The following PGAP1 variants were observed in gnomAD, a reference collection of about 807,000 sequenced individuals.
The protein encoded by PGAP1 is GPI inositol-deacylase.
Under a neutral mutation model 127.0 loss-of-function variants are expected in PGAP1, and 76 were observed. The ratio of observed to expected loss-of-function variants is 0.60; its 90% CI spans 0.50 to 0.72. The LOEUF is 0.72. PGAP1 is among the 30% of genes least tolerant of loss of function. The pLI is 0.00. For missense variants in PGAP1, 982 were observed against 1,071.3 expected (o/e 0.92, Z 1.16); for synonymous variants, 362 against 366.5 (o/e 0.99, Z 0.14).
At chr2:196,856,616 C>T (rs1279422580) in intron 20 of PGAP1, among the ~76,000 whole-genome samples, 2 of 152,170 alleles carry the variant, frequency 1.3e-5, no homozygotes, top group African/African-American at 2.4e-5. Context: ...GTATGGGCCA[C>T]ATAAAAAGTT....
intron 1 of PGAP1, among the ~76,000 whole-genome samples, chr2:196,924,527 A>ATATAT: frequency 6.6e-6 from 1 of 152,302 alleles, no homozygotes; most frequent in Non-Finnish European, 1.5e-5. Context: ...TGCAAAACAA[A>ATATAT]AAGACTTAAG....
intron 7 of PGAP1, among the ~76,000 whole-genome samples, chr2:196,896,124 TAA>T (rs1553603638): frequency 6.6e-6 from 1 of 152,124 alleles, no homozygotes; most frequent in Non-Finnish European, 1.5e-5. Flanking sequence ...AAGAAAGAGA[TAA>T]AAGAGTAATG....
rs139786524 is a variant in PGAP1 at position 196,854,199 on chromosome 2, G to T, written c.1862-6162C>A. ...GGCATGAGCCACCACACACCCGGCC[G>T]AAAATTCTAAACTAAGTCTTTTTTA... On this transcript the variant is annotated intron_variant, in intron 20 of 26. Coordinates refer to ENST00000354764, the MANE Select transcript of PGAP1 (RefSeq NM_024989.4). 4.1e-3 allele frequency among the ~76,000 whole-genome samples: 616 copies of T among 151,774 alleles called. 4 individuals carry two copies. Among genetic ancestry groups the T allele is most frequent in the African/African-American group, 0.014 (572 of 41,402 alleles).
At chr2:196,875,353 CTT>C (rs1701531026) in intron 14 of PGAP1, among the ~76,000 whole-genome samples, 1 of 152,120 alleles carries the variant, frequency 6.6e-6, no homozygotes, top group African/African-American at 2.4e-5. Flanking sequence ...TACAGGAACT[CTT>C]TTGTAACTTT....
intron 20 of PGAP1, among the ~76,000 whole-genome samples, chr2:196,858,455 A>T (rs1306862477): frequency 1.3e-5 from 2 of 152,204 alleles, no homozygotes; most frequent in African/African-American, 2.4e-5. Context: ...GAATATTTTT[A>T]AAAATTAAAA....
chr2:196,897,139 T>C lies in PGAP1; in HGVS notation c.919A>G (p.Thr307Ala), dbSNP rs893063161. 3 of 1,556,410 alleles carry C rather than the reference T, an allele frequency of 1.9e-6. No individual in the cohort carries two copies. Among genetic ancestry groups the C allele is most frequent in the Non-Finnish European group, 2.6e-6 (3 of 1,138,790 alleles). The change falls in exon 7 of 27, where the codon ACT (threonine) becomes GCT (alanine). Residue 307 changes from threonine (T) to alanine (A), a missense_variant. Physicochemically the swap from Thr to Ala is moderately conservative, Grantham distance 58 (BLOSUM62 0). Coordinates refer to ENST00000354764, the MANE Select transcript of PGAP1 (RefSeq NM_024989.4). ...AGTTTAAAAATACATACTTGTTTAG[T>C]ATCAGCATCAATAAGATCAAAGAAT... ...RAFFDLIDAD[T>A]KQITQNSKKK...
chr2:196,841,011 A>C lies in PGAP1; in HGVS notation c.*223T>G, dbSNP rs1047748423. The C allele has an allele frequency of 1.5e-5, 7 of 476,838 alleles. No homozygotes were observed. Among genetic ancestry groups the C allele is most frequent in the African/African-American group, 9.8e-5 (5 of 51,072 alleles). The allele number at this position is 476,838 out of a possible 1,614,324, so 29.5% of individuals were successfully genotyped here. ...GTGATCACCATATATCCCTTCATGA[A>C]TTTTTCAAAAATGATTACTACATGG... On this transcript the variant is annotated 3_prime_UTR_variant, in exon 27 of 27. Coordinates refer to ENST00000354764, the MANE Select transcript of PGAP1 (RefSeq NM_024989.4).
Position 196,836,322 on chromosome 2 carries a change from G to A in PGAP1, c.*4912C>T, listed in dbSNP as rs1180220530. On this transcript the variant is annotated 3_prime_UTR_variant, in exon 27 of 27. Transcript: ENST00000354764. The stretch of plus-strand genomic sequence containing the variant: ...AACCGTAGACAATTAAGACAGCTTA[G>A]AATATCACCTTTTGAAGGACATGTT... The A allele has an allele frequency of 2.0e-5, 3 of 152,486 alleles. No homozygotes were observed. The highest frequency in any genetic ancestry group is 4.4e-5 in the Non-Finnish European group (3 of 67,948). 9.4% of individuals were successfully genotyped at this position (152,486 alleles called of 1,614,324 possible).
intron 14 of PGAP1, among the ~76,000 whole-genome samples, chr2:196,875,428 C>T (rs1474158058): frequency 6.6e-6 from 1 of 151,998 alleles, no homozygotes; most frequent in Admixed American, 6.6e-5. Context: ...ATCTTGAAAC[C>T]TTCTTATACA....
chr2:196,872,815 T>C lies in PGAP1; in HGVS notation c.1619+145A>G. The C allele has an allele frequency of 1.4e-5, 8 of 567,134 alleles. No individual in the cohort carries two copies. The South Asian group carries it at 2.2e-4, about 15-fold the overall frequency. The allele number at this position is 567,134 out of a possible 1,614,324, so 35.1% of individuals were successfully genotyped here. A position where few individuals can be genotyped will look rare whatever the true frequency, so the allele number is the denominator to read the frequency against. ...TATCATTTCATAAGAATACTATATA[T>C]TAAATTATAGGAACAATGCTACATA... On this transcript the variant is annotated intron_variant, in intron 17 of 26. Transcript: ENST00000354764.
chr2:196,896,500 T>A (rs898893856), intron 7 of PGAP1, among the ~76,000 whole-genome samples: 2 of 151,998 alleles, frequency 1.3e-5, no homozygotes, highest in Non-Finnish European at 2.9e-5. Flanking sequence ...TTACAATGTA[T>A]TACAAAAAAA....
intron 1 of PGAP1, chr2:196,922,711 A>G (rs1165481922): frequency 5.1e-6 from 1 of 196,666 alleles, no homozygotes; most frequent in Non-Finnish European, 7.1e-6. Flanking sequence ...ACAGGGTCCC[A>G]CTCTTGTTGC....
Position 196,837,289 on chromosome 2 carries a change from A to G in PGAP1, c.*3945T>C, listed in dbSNP as rs778771199. On this transcript the variant is annotated 3_prime_UTR_variant, in exon 27 of 27. Coordinates refer to ENST00000354764, the MANE Select transcript of PGAP1 (RefSeq NM_024989.4). ...ACAAAGGGTGCTAATAAACAGCAAG[A>G]TGAAATGAATGCACTATACTAAATG... 6.6e-6 allele frequency: 1 copy of G among 152,214 alleles called. No individual in the cohort carries two copies. The highest frequency in any genetic ancestry group is 1.5e-5 in the Non-Finnish European group (1 of 68,042). 9.4% of individuals were successfully genotyped at this position (152,214 alleles called of 1,614,324 possible).
chr2:196,848,038 C>A lies in PGAP1; in HGVS notation c.1862-1G>T. ...ATGGTAGCATATTCTAAGCAACAAC[C>A]TGGTGATTTAAAAAAAGTTACATGC... On this transcript the variant is annotated splice_acceptor_variant, in intron 20 of 26. Transcript: ENST00000354764. LOFTEE classifies it high-confidence loss of function. 2 of 1,588,540 alleles carry A rather than the reference C, an allele frequency of 1.3e-6. No homozygotes were observed. Among genetic ancestry groups the A allele is most frequent in the Non-Finnish European group, 1.7e-6 (2 of 1,170,258 alleles).
In PGAP1 at chr2:196,926,707, T is replaced by C. The variant is rs945542082; in HGVS notation, c.-91A>G. ...AGCCCGGACTGAGCGTGCTAGACACTGTCCGACCGCCACCCCCGGAGCCGA... is the reference window on the plus strand; with the variant it reads ...AGCCCGGACTGAGCGTGCTAGACACCGTCCGACCGCCACCCCCGGAGCCGA... On this transcript the variant is annotated 5_prime_UTR_variant, in exon 1 of 27. Transcript: ENST00000354764. 189 of 1,538,352 alleles carry C rather than the reference T, an allele frequency of 1.2e-4. No individual in the cohort carries two copies. The highest frequency in any genetic ancestry group is 4.2e-4 in the East Asian group (18 of 42,682).
rs1200363692 is a variant in PGAP1, at chr2:196,839,025, A to T, written c.*2209T>A. 34 of 153,180 alleles carry T rather than the reference A, an allele frequency of 2.2e-4. No individual in the cohort carries two copies. The highest frequency in any genetic ancestry group is 1.5e-5 in the Non-Finnish European group (1 of 68,734). 9.5% of individuals were successfully genotyped at this position (153,180 alleles called of 1,614,324 possible). A position where few individuals can be genotyped will look rare whatever the true frequency, so the allele number is the denominator to read the frequency against. On this transcript the variant is annotated 3_prime_UTR_variant, in exon 27 of 27. Coordinates refer to ENST00000354764, the MANE Select transcript of PGAP1 (RefSeq NM_024989.4). ...CGCCACTGCACTCCAGCCTGGTGAC[A>T]GCGTGAGACTCCATCTCAAAAACAA...
intron 2 of PGAP1, among the ~76,000 whole-genome samples, chr2:196,919,070 A>G (rs1703101098): frequency 6.6e-6 from 1 of 152,076 alleles, no homozygotes; most frequent in African/African-American, 2.4e-5. Flanking sequence ...TCCCTCAGTC[A>G]AGCATCTCCT....
intron 13 of PGAP1, among the ~76,000 whole-genome samples, chr2:196,879,389 G>A (rs1701660854): frequency 6.6e-6 from 1 of 151,988 alleles, no homozygotes; most frequent in African/African-American, 2.4e-5. Flanking sequence ...ATAGTATGTA[G>A]CTTTTTAAGA....
intron 20 of PGAP1, among the ~76,000 whole-genome samples, chr2:196,859,100 G>T (rs566047367): frequency 6.6e-6 from 1 of 152,094 alleles, no homozygotes; most frequent in South Asian, 2.1e-4. Flanking sequence ...GCTGAGGCAG[G>T]CAGATCACCT....
Sources: gnomAD v4.1 joint callset for allele counts (sites outside exome capture counted in the v4.1 genomes callset) on GRCh38, gnomAD v4.1.1 for gene constraint, MANE v1.5 for transcripts, NCBI Gene and HGNC (gene_info 2026-07-23, HGNC 2026-07-21) for gene names.